EIF3H: variants seen among roughly 807,000 people sequenced by gnomAD.
The protein encoded by EIF3H is eukaryotic translation initiation factor 3 subunit H.
In EIF3H, 26 loss-of-function variants were observed where a neutral mutation model predicts 44.2. The ratio of observed to expected loss-of-function variants is 0.59; its 90% CI spans 0.43 to 0.82. The LOEUF (loss-of-function observed/expected upper bound fraction) is 0.82, where lower values mean the gene tolerates loss of function less well. Among genes scored for constraint, EIF3H ranks in the 40% least tolerant of loss-of-function variants. EIF3H has a pLI of 0.00. For missense variants in EIF3H, 359 were observed against 432.8 expected, an observed-to-expected ratio of 0.83 and a Z score of 1.51; for synonymous variants, 166 against 151.9, an observed-to-expected ratio of 1.09 and a Z score of -0.68.
chr8:116,735,760 G>A (rs1050650054), intron 1 of EIF3H, among the ~76,000 whole-genome samples: 10 of 151,256 alleles, frequency 6.6e-5, no homozygotes, highest in South Asian at 2.1e-4. Context: ...ACTTTATTAC[G>A]CTCTGCAGGT....
chr8:116,744,743 A>G (rs1205191142), intron 1 of EIF3H, among the ~76,000 whole-genome samples: 1 of 152,254 alleles, frequency 6.6e-6, no homozygotes, highest in Non-Finnish European at 1.5e-5. Context: ...TACGAAAAAC[A>G]TTATAAACTA....
intron 2 of EIF3H, among the ~76,000 whole-genome samples, chr8:116,660,774 C>T (rs1813573235): frequency 6.6e-6 from 1 of 151,912 alleles, no homozygotes; most frequent in Non-Finnish European, 1.5e-5. Flanking sequence ...GAAGGTGATA[C>T]CAGACACCAG....
intron 2 of EIF3H, among the ~76,000 whole-genome samples, chr8:116,698,377 AC>A: frequency 6.6e-6 from 1 of 152,258 alleles, no homozygotes. Context: ...AATGAAAATT[AC>A]CCCTCTCCTC....
intron 1 of EIF3H, among the ~76,000 whole-genome samples, chr8:116,760,843 A>G (rs1815512705): frequency 6.6e-6 from 1 of 152,214 alleles, no homozygotes; most frequent in Non-Finnish European, 1.5e-5. Context: ...TGGCTTCAAC[A>G]TTTTGTTAAA....
chr8:116,697,522 T>C (rs1002878098), intron 2 of EIF3H, among the ~76,000 whole-genome samples: 6 of 152,186 alleles, frequency 3.9e-5, no homozygotes, highest in African/African-American at 9.7e-5. Context: ...GACCACAACC[T>C]ACTCTGTACT....
At position 116,680,036 on chromosome 8, in the gene EIF3H, G is replaced by C. The variant is rs1211340956; in HGVS notation, c.290-21056C>G. 3.5e-4 allele frequency among the ~76,000 whole-genome samples: 6 copies of C among 16,984 alleles called. 1 individual carries two copies. The highest frequency in any genetic ancestry group is 1.1e-3 in the African/African-American group (5 of 4,746). The allele number at this position is 16,984 out of a possible 152,430, so 11.1% of individuals were successfully genotyped here. On this transcript the variant is annotated intron_variant, in intron 2 of 7. Coordinates refer to ENST00000521861, the MANE Select transcript of EIF3H (RefSeq NM_003756.3). ...CAGCCGCCCCGTCCGGGAGGGAGGCGGGGGGGGGGTCGGCCAGCCGCCCTG... is the reference window on the plus strand; with the variant it reads ...CAGCCGCCCCGTCCGGGAGGGAGGCCGGGGGGGGGTCGGCCAGCCGCCCTG...
At chr8:116,709,190 C>A (rs1489565544) in intron 2 of EIF3H, among the ~76,000 whole-genome samples, 2 of 152,210 alleles carry the variant, frequency 1.3e-5, no homozygotes, top group East Asian at 3.9e-4. Flanking sequence ...ACTATTTAAT[C>A]TACTTCCTGG....
chr8:116,677,461 T>C (rs1813869059), intron 2 of EIF3H, among the ~76,000 whole-genome samples: 2 of 152,218 alleles, frequency 1.3e-5, no homozygotes, highest in African/African-American at 4.8e-5. Flanking sequence ...TGTCCTAATG[T>C]CCCCCATGAT....
intron 2 of EIF3H, among the ~76,000 whole-genome samples, chr8:116,717,995 C>T (rs929191809): frequency 3.7e-4 from 56 of 151,782 alleles, no homozygotes; most frequent in African/African-American, 1.2e-3. Context: ...TCTATATAAC[C>T]GACAAAGGAC....
intron 2 of EIF3H, among the ~76,000 whole-genome samples, chr8:116,688,796 AAATAG>A (rs1422149480): frequency 6.6e-6 from 1 of 152,202 alleles, no homozygotes; most frequent in Admixed American, 6.5e-5. Context: ...AAAAGTTTTT[AAATAG>A]AATACGAGAA....
chr8:116,725,453 C>G (rs1017924461), intron 2 of EIF3H, among the ~76,000 whole-genome samples: 2 of 152,252 alleles, frequency 1.3e-5, no homozygotes, highest in East Asian at 1.9e-4. Flanking sequence ...GGATTTCAAA[C>G]AAGTGAGAAG....
intron 1 of EIF3H, among the ~76,000 whole-genome samples, chr8:116,763,070 G>C (rs1329513966): frequency 1.3e-5 from 2 of 152,216 alleles, no homozygotes; most frequent in East Asian, 3.9e-4. Context: ...AAAATTCATA[G>C]TCTGTGTCAT....
At chr8:116,683,332 A>G (rs1814021962) in intron 2 of EIF3H, among the ~76,000 whole-genome samples, 1 of 152,172 alleles carries the variant, frequency 6.6e-6, no homozygotes, top group African/African-American at 2.4e-5. Context: ...CTGCCAGCCA[A>G]TTATACTCCT....
intron 1 of EIF3H, among the ~76,000 whole-genome samples, chr8:116,741,099 T>C (rs1815124716): frequency 6.6e-6 from 1 of 152,232 alleles, no homozygotes; most frequent in Non-Finnish European, 1.5e-5. Context: ...TTTTTAATTT[T>C]TTCTATCTTT....
chr8:116,762,938 C>T (rs868508648), intron 1 of EIF3H, among the ~76,000 whole-genome samples: 2 of 151,726 alleles, frequency 1.3e-5, no homozygotes, highest in African/African-American at 4.8e-5. Context: ...AGCGAGACTC[C>T]GTCTCAAAAA....
Position 116,739,814 on chromosome 8 carries a change from C to G in EIF3H, c.133-13642G>C, listed in dbSNP as rs1586487441. 3.3e-5 allele frequency among the ~76,000 whole-genome samples: 5 copies of G among 152,192 alleles called. No homozygotes were observed. In the South Asian group the frequency reaches 1.0e-3, roughly 31 times the overall value. Reference sequence around the variant, plus strand: ...CTGGGTTAGGGTCTCCCCGACTGAGCTGGTCTCGGCAACTCTGGTTACAGG... The same window carrying G: ...CTGGGTTAGGGTCTCCCCGACTGAGGTGGTCTCGGCAACTCTGGTTACAGG... On this transcript the variant is annotated intron_variant, in intron 1 of 7. Coordinates refer to ENST00000521861, the MANE Select transcript of EIF3H (RefSeq NM_003756.3).
chr8:116,658,659 G>T, intron 3 of EIF3H, 154 bp downstream of exon 3: 1 of 663,440 alleles, frequency 1.5e-6, no homozygotes, highest in Non-Finnish European at 2.4e-6. Flanking sequence ...AGGAAACCCT[G>T]TCTAGACTGA....
At chr8:116,736,503 T>C (rs942294561) in intron 1 of EIF3H, among the ~76,000 whole-genome samples, 4 of 151,862 alleles carry the variant, frequency 2.6e-5, no homozygotes, top group Admixed American at 6.6e-5. Context: ...CTACTAAAAA[T>C]ACAAAAAAAT....
chr8:116,716,726 G>A (rs1448967888), intron 2 of EIF3H, among the ~76,000 whole-genome samples: 1 of 152,014 alleles, frequency 6.6e-6, no homozygotes, highest in Non-Finnish European at 1.5e-5. Context: ...TAGCGGGAAT[G>A]AAGCCATTAA....
Sources: gnomAD v4.1 joint callset for allele counts (sites outside exome capture counted in the v4.1 genomes callset) on GRCh38, gnomAD v4.1.1 for gene constraint, MANE v1.5 for transcripts, NCBI Gene and HGNC (gene_info 2026-07-23, HGNC 2026-07-21) for gene names.